The following TENM3 variants were observed in gnomAD, a reference collection of about 807,000 sequenced individuals.
The protein encoded by TENM3 is teneurin-3.
A neutral mutation model predicts 255.1 loss-of-function variants in TENM3; 63 were observed. The ratio of observed to expected loss-of-function variants is 0.25; its 90% CI spans 0.20 to 0.30. The LOEUF (loss-of-function observed/expected upper bound fraction) is 0.30. TENM3 is among the 10% of genes least tolerant of loss of function. TENM3 has a pLI of 1.00. For synonymous variants in TENM3, 1,306 were observed against 1,322.3 expected, an observed-to-expected ratio of 0.99 and a Z score of 0.27; for missense variants, 2,929 against 3,461.1, an observed-to-expected ratio of 0.85 and a Z score of 3.86.
At chr4:181,593,749 GC>G in the TENM3 span, among the ~76,000 whole-genome samples, 1 of 152,314 alleles carries the variant, frequency 6.6e-6, no homozygotes, top group African/African-American at 2.4e-5. Flanking sequence ...AGCCTTGCCA[GC>G]AGGCCATCAG....
chr4:182,029,528 A>G, the TENM3 span, among the ~76,000 whole-genome samples: 1 of 152,158 alleles, frequency 6.6e-6, no homozygotes, highest in Non-Finnish European at 1.5e-5. Flanking sequence ...TTGGGTGCAT[A>G]TATATTTAAA....
the TENM3 span, among the ~76,000 whole-genome samples, chr4:181,767,629 G>T: frequency 6.6e-6 from 1 of 152,104 alleles, no homozygotes; most frequent in Non-Finnish European, 1.5e-5. Context: ...CTATTCCAGA[G>T]AGTCTTACTC....
At chr4:181,913,831 T>C in the TENM3 span, among the ~76,000 whole-genome samples, 1 of 152,156 alleles carries the variant, frequency 6.6e-6, no homozygotes, top group Non-Finnish European at 1.5e-5. Flanking sequence ...CTCTCTTGGA[T>C]TTTAAAGGAA....
At chr4:181,566,381 A>G in the TENM3 span, among the ~76,000 whole-genome samples, 1 of 152,338 alleles carries the variant, frequency 6.6e-6, no homozygotes, top group African/African-American at 2.4e-5. Flanking sequence ...AATGTCTTCT[A>G]AATACATGTT....
chr4:181,819,530 C>T, the TENM3 span, among the ~76,000 whole-genome samples: 1 of 152,148 alleles, frequency 6.6e-6, no homozygotes, highest in East Asian at 1.9e-4. Flanking sequence ...TAAAGAATCA[C>T]CTGTGCCACC....
At chr4:181,749,182 G>A in the TENM3 span, among the ~76,000 whole-genome samples, 1 of 151,966 alleles carries the variant, frequency 6.6e-6, no homozygotes, top group Non-Finnish European at 1.5e-5. Flanking sequence ...AAAAATGGTG[G>A]GAACTGTTTT....
the TENM3 span, among the ~76,000 whole-genome samples, chr4:181,590,788 A>G: frequency 5.7e-3 from 863 of 152,342 alleles, 11 homozygotes; most frequent in African/African-American, 0.02. Flanking sequence ...TCTTTCTTAT[A>G]TGTTAAAGAT....
At chr4:181,844,811 A>T in the TENM3 span, among the ~76,000 whole-genome samples, 1 of 152,204 alleles carries the variant, frequency 6.6e-6, no homozygotes, top group Non-Finnish European at 1.5e-5. Context: ...CTCAGGAACC[A>T]CTTCCCAGAT....
the TENM3 span, among the ~76,000 whole-genome samples, chr4:181,617,377 G>A: frequency 6.6e-6 from 1 of 152,182 alleles, no homozygotes. Flanking sequence ...ATGTGATAGG[G>A]AATGATCAAA....
chr4:181,917,524 A>T, the TENM3 span, among the ~76,000 whole-genome samples: 1 of 152,218 alleles, frequency 6.6e-6, no homozygotes, highest in Non-Finnish European at 1.5e-5. Flanking sequence ...TCACAGAAGC[A>T]GGAAGAAAGC....
At chr4:182,362,450 C>G (rs1195878296) in intron 3 of TENM3, among the ~76,000 whole-genome samples, 9 of 152,120 alleles carry the variant, frequency 5.9e-5, no homozygotes, top group Non-Finnish European at 1.2e-4. Flanking sequence ...CCCAGCCTCA[C>G]TGCCACCTTG....
intron 3 of TENM3, among the ~76,000 whole-genome samples, chr4:182,392,203 C>G (rs1221348020): frequency 6.6e-6 from 1 of 152,140 alleles, no homozygotes; most frequent in Non-Finnish European, 1.5e-5. Flanking sequence ...CTCTAAGCGG[C>G]TCTCCATTGC....
At chr4:182,432,950 G>A (rs999434056) in intron 3 of TENM3, among the ~76,000 whole-genome samples, 1 of 150,718 alleles carries the variant, frequency 6.6e-6, no homozygotes, top group African/African-American at 2.4e-5. Flanking sequence ...GCATCCCAAA[G>A]TGCTGGGATT....
At chr4:182,245,956 G>A (rs1418287572) in intron 1 of TENM3, among the ~76,000 whole-genome samples, 2 of 152,122 alleles carry the variant, frequency 1.3e-5, no homozygotes, top group Non-Finnish European at 2.9e-5. Context: ...TTATTGGCGG[G>A]CGCTCCTGCT....
the TENM3 span, among the ~76,000 whole-genome samples, chr4:181,929,279 C>G: frequency 9.4e-4 from 143 of 151,788 alleles, 1 homozygote; most frequent in African/African-American, 3.3e-3. Flanking sequence ...GTTCAGGAGA[C>G]CCATCTCACA....
At chr4:181,654,702 C>T in the TENM3 span, among the ~76,000 whole-genome samples, 5 of 144,348 alleles carry the variant, frequency 3.5e-5, no homozygotes, top group South Asian at 2.2e-4. Context: ...TGCAGTGAGC[C>T]GAGATCGCGC....
At chr4:182,131,047 G>C in the TENM3 span, among the ~76,000 whole-genome samples, 7 of 152,036 alleles carry the variant, frequency 4.6e-5, no homozygotes, top group Admixed American at 6.5e-5. Context: ...TTTCAAGTGG[G>C]TTTTTGGCCA....
chr4:182,410,725 TGAA>T (rs1247054910), intron 3 of TENM3, among the ~76,000 whole-genome samples: 1 of 151,908 alleles, frequency 6.6e-6, no homozygotes, highest in Non-Finnish European at 1.5e-5. Flanking sequence ...GGACCACAGA[TGAA>T]GAGCACACGA....
At chr4:181,464,397 G>A in the TENM3 span, among the ~76,000 whole-genome samples, 3 of 152,224 alleles carry the variant, frequency 2.0e-5, no homozygotes, top group Admixed American at 6.5e-5. Flanking sequence ...ACCTAATGAC[G>A]ACTGGTGTTA....
Sources: gnomAD v4.1 joint callset for allele counts (sites outside exome capture counted in the v4.1 genomes callset) on GRCh38, gnomAD v4.1.1 for gene constraint, MANE v1.5 for transcripts, NCBI Gene and HGNC (gene_info 2026-07-23, HGNC 2026-07-21) for gene names.